SDK1: variants seen among roughly 807,000 people sequenced by gnomAD.
The protein encoded by SDK1 is sidekick cell adhesion molecule 1.
In SDK1, 157 loss-of-function variants were observed where a neutral mutation model predicts 245.5. That is an observed-to-expected ratio of 0.64 (90% CI 0.56 to 0.73). SDK1 has a LOEUF of 0.73. SDK1 is among the 30% of genes least tolerant of loss of function. The pLI is 0.00. For synonymous variants in SDK1, 1,647 were observed against 1,278.5 expected, an observed-to-expected ratio of 1.29 and a Z score of -6.15; for missense variants, 3,583 against 3,002.3, an observed-to-expected ratio of 1.19 and a Z score of -4.52.
intron 5 of SDK1, among the ~76,000 whole-genome samples, chr7:3,899,946 A>G (rs981822990): frequency 1.4e-4 from 22 of 152,226 alleles, no homozygotes; most frequent in Non-Finnish European, 2.2e-4. Context: ...CCTTGACCGC[A>G]TGCATTTTAA....
intron 2 of SDK1, among the ~76,000 whole-genome samples, chr7:3,619,612 A>G (rs1270317891): frequency 6.6e-6 from 1 of 152,224 alleles, no homozygotes; most frequent in Non-Finnish European, 1.5e-5. Context: ...ACAGATCTTT[A>G]GTATGGTAGC....
At chr7:3,593,561 A>G (rs1248257645) in intron 1 of SDK1, among the ~76,000 whole-genome samples, 1 of 152,206 alleles carries the variant, frequency 6.6e-6, no homozygotes, top group Non-Finnish European at 1.5e-5. Flanking sequence ...GCCGTACTGC[A>G]TTGACTAGCC....
At chr7:3,513,135 A>G (rs1782635317) in intron 1 of SDK1, among the ~76,000 whole-genome samples, 1 of 152,190 alleles carries the variant, frequency 6.6e-6, no homozygotes, top group Non-Finnish European at 1.5e-5. Flanking sequence ...ACTAGCAGCT[A>G]ACAGTTACTG....
At chr7:3,674,485 G>C (rs185417484) in intron 4 of SDK1, among the ~76,000 whole-genome samples, 1 of 152,112 alleles carries the variant, frequency 6.6e-6, no homozygotes, top group Non-Finnish European at 1.5e-5. Flanking sequence ...GCTGAGGCTG[G>C]TCTTTGAGTC....
At chr7:3,416,340 C>T (rs924964786) in intron 1 of SDK1, among the ~76,000 whole-genome samples, 20 of 152,074 alleles carry the variant, frequency 1.3e-4, no homozygotes, top group African/African-American at 4.8e-4. Context: ...TGCTCCCGTT[C>T]TAGGGCCCTC....
intron 1 of SDK1, among the ~76,000 whole-genome samples, chr7:3,511,799 GTTTT>G (rs11394628): frequency 6.7e-6 from 1 of 148,204 alleles, no homozygotes; most frequent in Non-Finnish European, 1.5e-5. Flanking sequence ...TTTGTTTTTT[GTTTT>G]TTTTTAACTT....
chr7:3,941,494 C>CT (rs1366414160), intron 5 of SDK1, among the ~76,000 whole-genome samples: 1 of 152,140 alleles, frequency 6.6e-6, no homozygotes, highest in African/African-American at 2.4e-5. Context: ...GAACTGCTTC[C>CT]TTTTTCCCAA....
intron 4 of SDK1, among the ~76,000 whole-genome samples, chr7:3,703,693 T>G (rs1476797374): frequency 1.3e-5 from 2 of 152,206 alleles, no homozygotes; most frequent in East Asian, 3.9e-4. Context: ...TCTGTTCTAT[T>G]TTTCCAATTT....
At chr7:3,889,951 C>T (rs185245202) in intron 5 of SDK1, among the ~76,000 whole-genome samples, 2 of 152,320 alleles carry the variant, frequency 1.3e-5, no homozygotes, top group Admixed American at 1.3e-4. Flanking sequence ...CTCCTCCTCA[C>T]TTTTGTGTAA....
chr7:3,742,923 A>T (rs1779516156), intron 4 of SDK1, among the ~76,000 whole-genome samples: 1 of 152,230 alleles, frequency 6.6e-6, no homozygotes. Flanking sequence ...ACAAATAGCA[A>T]ATTGTACGTC....
chr7:4,103,503 AACCTT>A (rs1782708628), intron 22 of SDK1, among the ~76,000 whole-genome samples: 1 of 152,172 alleles, frequency 6.6e-6, no homozygotes, highest in African/African-American at 2.4e-5. Flanking sequence ...CAAAAATGTA[AACCTT>A]TTATTATAGA....
chr7:4,236,633 C>T (rs566075969), intron 41 of SDK1, among the ~76,000 whole-genome samples: 3 of 152,128 alleles, frequency 2.0e-5, no homozygotes, highest in Non-Finnish European at 4.4e-5. Context: ...TCAGGGTTCA[C>T]CCCGTGGCTG....
intron 5 of SDK1, among the ~76,000 whole-genome samples, chr7:3,944,281 T>C (rs866652926): frequency 6.6e-6 from 1 of 152,246 alleles, no homozygotes; most frequent in Middle Eastern, 3.2e-3. Context: ...TCTTACTGGG[T>C]TGTCACTATA....
chr7:4,053,947 T>C (rs1458818626), intron 19 of SDK1, among the ~76,000 whole-genome samples: 1 of 152,118 alleles, frequency 6.6e-6, no homozygotes, highest in East Asian at 1.9e-4. Context: ...TTTGTTGTTG[T>C]TGTTGTTTTG....
At chr7:3,429,601 A>ATTT (rs111619702) in intron 1 of SDK1, among the ~76,000 whole-genome samples, 11 of 140,558 alleles carry the variant, frequency 7.8e-5, no homozygotes, top group Admixed American at 1.4e-4. Context: ...GCAAAAGCCT[A>ATTT]TTTTTTTTTT....
intron 30 of SDK1, among the ~76,000 whole-genome samples, chr7:4,155,496 G>A (rs979354853): frequency 2.0e-5 from 3 of 152,224 alleles, no homozygotes; most frequent in Non-Finnish European, 4.4e-5. Flanking sequence ...CTTGCAGTGT[G>A]GCTCCAAACC....
At position 4,214,719 on chromosome 7, in the gene SDK1, C is replaced by T. The variant is rs376424388; in HGVS notation, c.5539+4557C>T. 1.4e-4 allele frequency among the ~76,000 whole-genome samples: 22 copies of T among 152,328 alleles called. No homozygotes were observed. The East Asian group carries it at 2.9e-3, about 20-fold the overall frequency. ...GGATTCCTGCACATCAGTCAAGCAG[C>T]GGATCCAGGTGTGGATTGCCCAGCG... On this transcript the variant is annotated intron_variant, in intron 38 of 44. Coordinates refer to ENST00000404826, the MANE Select transcript of SDK1 (RefSeq NM_152744.4).
At position 4,265,564 on chromosome 7, in the gene SDK1, G is replaced by A. The variant is rs926211737; in HGVS notation, c.*180G>A. ...TTCAATTAGGAAGGTTTTTTTAAAC[G>A]GCTTTTTGTAACTTCGCTGCAGGAA... On this transcript the variant is annotated 3_prime_UTR_variant, in exon 45 of 45. Coordinates refer to ENST00000404826, the MANE Select transcript of SDK1 (RefSeq NM_152744.4). 1.9e-5 allele frequency: 25 copies of A among 1,341,598 alleles called. No homozygotes were observed. The Admixed American group carries it at 6.5e-4, about 35-fold the overall frequency. The allele number at this position is 1,341,598 out of a possible 1,614,324, so 83.1% of individuals were successfully genotyped here.
chr7:4,220,278 G>A lies in SDK1; in HGVS notation c.5701+8G>A, dbSNP rs781135616. The A allele has an allele frequency of 2.3e-5, 37 of 1,611,198 alleles. No homozygotes were observed. Among genetic ancestry groups the A allele is most frequent in the Non-Finnish European group, 3.1e-5 (36 of 1,178,078 alleles). Reference sequence around the variant, plus strand: ...CAGCCGGGCCAGCCGAGGGTAAGTGGAACTCCAGGGGCAGACAATGTCAAT... The same window carrying A: ...CAGCCGGGCCAGCCGAGGGTAAGTGAAACTCCAGGGGCAGACAATGTCAAT... On this transcript the variant is annotated splice_region_variant and intron_variant, in intron 39 of 44. Transcript: ENST00000404826.
Sources: gnomAD v4.1 joint callset for allele counts (sites outside exome capture counted in the v4.1 genomes callset) on GRCh38, gnomAD v4.1.1 for gene constraint, MANE v1.5 for transcripts, NCBI Gene and HGNC (gene_info 2026-07-23, HGNC 2026-07-21) for gene names.